ZNF521: variants seen among roughly 807,000 people sequenced by gnomAD.
ZNF521 encodes LYST-interacting protein 3.
ZNF521 carries 14 observed loss-of-function variants against 105.5 expected under a neutral mutation model. The observed-to-expected ratio is 0.13, with a 90% CI of 0.09 to 0.21. The LOEUF (loss-of-function observed/expected upper bound fraction) is 0.21, where lower values mean the gene tolerates loss of function less well. Ranked by LOEUF, ZNF521 falls within the 10% of genes least tolerant of loss-of-function variation. The probability of loss-of-function intolerance (pLI) is 1.00; values close to 1 mark genes in which losing one functional copy is unlikely to be tolerated. For missense variants in ZNF521, 1,233 were observed against 1,629.7 expected (o/e 0.76, Z 4.19); for synonymous variants, 635 against 606.0 (o/e 1.05, Z -0.70).
At chr18:25,211,588 T>G (rs1377488390) in intron 4 of ZNF521, among the ~76,000 whole-genome samples, 5 of 152,302 alleles carry the variant, frequency 3.3e-5, no homozygotes, top group Admixed American at 2.0e-4. Flanking sequence ...GCAGTTTGCG[T>G]TTTTCCATCA....
At chr18:25,163,855 G>A (rs1397205181) in intron 5 of ZNF521, among the ~76,000 whole-genome samples, 2 of 152,166 alleles carry the variant, frequency 1.3e-5, no homozygotes, top group African/African-American at 4.8e-5. Context: ...ATATCAGAAG[G>A]TTCCTTTTCG....
At chr18:25,330,267 G>A (rs1391191757) in intron 2 of ZNF521, among the ~76,000 whole-genome samples, 2 of 151,992 alleles carry the variant, frequency 1.3e-5, no homozygotes, top group African/African-American at 2.4e-5. Flanking sequence ...AGGTTCAAAC[G>A]ATTCTCCTGC....
intron 3 of ZNF521, among the ~76,000 whole-genome samples, chr18:25,254,520 T>C (rs1276507387): frequency 6.6e-6 from 1 of 152,134 alleles, no homozygotes; most frequent in Non-Finnish European, 1.5e-5. Flanking sequence ...CAGATGCTGG[T>C]TGATTTGTGG....
intron 3 of ZNF521, among the ~76,000 whole-genome samples, chr18:25,272,611 A>G (rs1371040126): frequency 6.6e-6 from 1 of 152,170 alleles, no homozygotes; most frequent in Non-Finnish European, 1.5e-5. Flanking sequence ...TGTCCTTTTC[A>G]GGGACATGGA....
intron 5 of ZNF521, among the ~76,000 whole-genome samples, chr18:25,124,293 T>C (rs1458497715): frequency 6.6e-6 from 1 of 152,080 alleles, no homozygotes; most frequent in Admixed American, 6.6e-5. Flanking sequence ...AGAACTAAAG[T>C]AACTACCCTA....
At chr18:25,102,302 CA>C (rs1415057901) in intron 5 of ZNF521, among the ~76,000 whole-genome samples, 1 of 151,830 alleles carries the variant, frequency 6.6e-6, no homozygotes, top group African/African-American at 2.4e-5. Flanking sequence ...AAATACCTCA[CA>C]AAACTGTATT....
chr18:25,097,143 C>T (rs1251687824), intron 5 of ZNF521, among the ~76,000 whole-genome samples: 6 of 152,250 alleles, frequency 3.9e-5, no homozygotes, highest in East Asian at 1.9e-4. Context: ...ACTCACCCCT[C>T]GGCTACATTG....
At chr18:25,195,463 A>C (rs1255908221) in intron 4 of ZNF521, among the ~76,000 whole-genome samples, 4 of 151,802 alleles carry the variant, frequency 2.6e-5, no homozygotes, top group Non-Finnish European at 5.9e-5. Flanking sequence ...GAAGAAACAG[A>C]AGCACATAAT....
At chr18:25,216,445 C>T (rs1905328449) in intron 4 of ZNF521, among the ~76,000 whole-genome samples, 1 of 152,186 alleles carries the variant, frequency 6.6e-6, no homozygotes, top group Non-Finnish European at 1.5e-5. Flanking sequence ...ATAAAGTATA[C>T]ACCATTTTGT....
chr18:25,179,303 C>T (rs1048141756), intron 5 of ZNF521, among the ~76,000 whole-genome samples: 1 of 151,322 alleles, frequency 6.6e-6, no homozygotes, highest in African/African-American at 2.4e-5. Context: ...ACACATGCCA[C>T]CACATCTGGC....
chr18:25,196,454 T>C (rs948427650), intron 4 of ZNF521, among the ~76,000 whole-genome samples: 19 of 151,444 alleles, frequency 1.3e-4, no homozygotes, highest in African/African-American at 3.6e-4. Flanking sequence ...TAATTCAAGA[T>C]TTAAAATTAT....
At chr18:25,245,710 A>G (rs2144819816) in intron 3 of ZNF521, among the ~76,000 whole-genome samples, 1 of 152,310 alleles carries the variant, frequency 6.6e-6, no homozygotes, top group Admixed American at 6.5e-5. Context: ...TACATATTAC[A>G]TTTTTAAAAT....
intron 5 of ZNF521, 101 bp from the exon 6 acceptor site, chr18:25,092,182 C>T: frequency 2.3e-6 from 3 of 1,332,610 alleles, no homozygotes; most frequent in Non-Finnish European, 3.1e-6. Flanking sequence ...ATTTCCATCA[C>T]CTAATATACA....
chr18:25,227,725 A>C lies in ZNF521; in HGVS notation c.221-28T>G. The C allele has an allele frequency of 6.0e-5, 95 of 1,579,614 alleles. No individual in the cohort carries two copies. Among genetic ancestry groups the C allele is most frequent in the Middle Eastern group, 1.7e-4 (1 of 5,920 alleles). On this transcript the variant is annotated intron_variant, in intron 3 of 7. Transcript: ENST00000361524. This position sits in a 1 kb window ranked among gnomAD's most constrained non-coding sequence, Gnocchi z 5.7. ...GCAACAAGAAGCAATGACAAATTTC[A>C]TCTGACATGTTGAGATTCAAGAGTG... is the stretch of plus-strand genomic sequence containing the variant.
At position 25,062,422 on chromosome 18, in the gene ZNF521, C is replaced by T; in HGVS notation, c.*290G>A. 3.3e-6 allele frequency: 1 copy of T among 303,928 alleles called. No homozygotes were observed. Among genetic ancestry groups the T allele is most frequent in the Non-Finnish European group, 5.8e-6 (1 of 171,498 alleles). The allele number at this position is 303,928 out of a possible 1,614,324, so 18.8% of individuals were successfully genotyped here. ...TATCTTAAGCCATTTTGGTCATAGT[C>T]TTTTTTTTTTTTTAATCTTGCCTGA... On this transcript the variant is annotated 3_prime_UTR_variant, in exon 8 of 8. Transcript: ENST00000361524.
intron 5 of ZNF521, chr18:25,136,877 C>T (rs1297218577): frequency 2.6e-5 from 4 of 152,058 alleles, no homozygotes; most frequent in Non-Finnish European, 5.9e-5. Flanking sequence ...AATGGGACAC[C>T]ACATGTGTGT....
intron 4 of ZNF521, chr18:25,202,965 A>G (rs574794071): frequency 6.6e-6 from 1 of 152,336 alleles, no homozygotes; most frequent in East Asian, 1.9e-4. Flanking sequence ...AAAGGATGCT[A>G]TTGTCTTACA....
intron 7 of ZNF521, among the ~76,000 whole-genome samples, chr18:25,068,543 C>A (rs2033132439): frequency 2.0e-5 from 3 of 151,782 alleles, no homozygotes; most frequent in African/African-American, 7.3e-5. Context: ...TGGTTTCCCA[C>A]AGGCTGGATA....
At chr18:25,323,653 C>T (rs1913052742) in intron 2 of ZNF521, among the ~76,000 whole-genome samples, 1 of 152,160 alleles carries the variant, frequency 6.6e-6, no homozygotes, top group African/African-American at 2.4e-5. Context: ...CAAGAATCCA[C>T]AGAATCAAAA....
Sources: gnomAD v4.1 joint callset for allele counts (sites outside exome capture counted in the v4.1 genomes callset) on GRCh38, gnomAD v4.1.1 for gene constraint, Gnocchi (gnomAD v3.1) non-coding constraint, MANE v1.5 for transcripts, NCBI Gene and HGNC (gene_info 2026-07-23, HGNC 2026-07-21) for gene names.